CACNA1E: variants seen among roughly 807,000 people sequenced by gnomAD.
CACNA1E encodes the protein calcium voltage-gated channel subunit alpha1 E.
A neutral mutation model predicts 259.2 loss-of-function variants in CACNA1E; 40 were observed. That is an observed-to-expected ratio of 0.15 (90% CI 0.12 to 0.20). The LOEUF is 0.20. CACNA1E is among the 10% of genes least tolerant of loss of function. The probability of loss-of-function intolerance (pLI) is 1.00; values close to 1 mark genes in which losing one functional copy is unlikely to be tolerated. For synonymous variants in CACNA1E, 1,104 were observed against 1,138.5 expected (o/e 0.97, Z 0.61); for missense variants, 1,874 against 3,040.1 (o/e 0.62, Z 9.02).
chr1:181,318,666 G>T (rs796560799), intron 1 of CACNA1E, among the ~76,000 whole-genome samples: 2 of 152,214 alleles, frequency 1.3e-5, no homozygotes. Context: ...TGGGGAGGGC[G>T]CGCGGGCCAG....
At chr1:181,418,112 A>G (rs1180191885) in intron 2 of CACNA1E, among the ~76,000 whole-genome samples, 1 of 152,164 alleles carries the variant, frequency 6.6e-6, no homozygotes, top group Non-Finnish European at 1.5e-5. Context: ...TTGACCTAGC[A>G]GCAACATTTG....
intron 3 of CACNA1E, among the ~76,000 whole-genome samples, chr1:181,543,456 A>C (rs1205793967): frequency 4.6e-5 from 7 of 152,150 alleles, no homozygotes; most frequent in Non-Finnish European, 7.4e-5. Flanking sequence ...TGATATTTGG[A>C]GGTAGGGTTT....
At chr1:181,748,215 C>G (rs899976721) in intron 25 of CACNA1E, among the ~76,000 whole-genome samples, 2 of 152,106 alleles carry the variant, frequency 1.3e-5, no homozygotes, top group Non-Finnish European at 2.9e-5. Context: ...AATAGCCCCC[C>G]CAGTGGTTTG....
At chr1:181,358,098 T>G (rs979069532) in intron 1 of CACNA1E, among the ~76,000 whole-genome samples, 1 of 152,122 alleles carries the variant, frequency 6.6e-6, no homozygotes, top group Admixed American at 6.5e-5. Flanking sequence ...TGACAACTCC[T>G]GCAGGAGAAT....
Position 181,715,176 on chromosome 1 carries a change from C to T in CACNA1E, c.1172-162C>T, listed in dbSNP as rs747037611. Reference sequence around the variant, plus strand: ...TGTTCTCAGGAGCTCTCTGTGCACCCTCTGTGACACTTGCTTTCTTTCTGA... The same window carrying T: ...TGTTCTCAGGAGCTCTCTGTGCACCTTCTGTGACACTTGCTTTCTTTCTGA... On this transcript the variant is annotated intron_variant, in intron 8 of 47. Coordinates refer to ENST00000367573, the MANE Select transcript of CACNA1E (RefSeq NM_001205293.3). Among the ~76,000 whole-genome samples the T allele has an allele frequency of 6.6e-5, 10 of 152,320 alleles. No individual in the cohort carries two copies. In the East Asian group the frequency reaches 1.9e-3, roughly 29 times the overall value.
intron 6 of CACNA1E, among the ~76,000 whole-genome samples, chr1:181,625,322 T>C (rs1191243114): frequency 6.6e-6 from 1 of 152,186 alleles, no homozygotes; most frequent in African/African-American, 2.4e-5. Context: ...TCGTCTTCTC[T>C]ACTTACGATT....
chr1:181,723,676 G>A (rs1654620085), intron 16 of CACNA1E, among the ~76,000 whole-genome samples: 2 of 152,112 alleles, frequency 1.3e-5, no homozygotes, highest in African/African-American at 2.4e-5. Flanking sequence ...GCTATAATTC[G>A]GGGTTCCCAC....
chr1:181,674,174 T>G lies in CACNA1E; in HGVS notation c.1055+22733T>G, dbSNP rs1339590534. On this transcript the variant is annotated intron_variant, in intron 7 of 47. Transcript: ENST00000367573. ...GCGGGCGGATCACGAGGTCAGGAGA[T>G]CGAGACCATCCTGGCTAACACGGTA... Among the ~76,000 whole-genome samples the G allele has an allele frequency of 2.1e-5, 3 of 145,350 alleles. No homozygotes were observed. The East Asian group carries it at 6.1e-4, about 30-fold the overall frequency.
intron 2 of CACNA1E, among the ~76,000 whole-genome samples, chr1:181,436,613 T>C (rs1660103540): frequency 6.6e-6 from 1 of 152,166 alleles, no homozygotes; most frequent in South Asian, 2.1e-4. Context: ...GGCACCGAAA[T>C]GCCAATATCA....
rs184183077 is a variant in CACNA1E, at chr1:181,377,106, A to T, written c.-14-36027A>T. Among the ~76,000 whole-genome samples, 5 of 152,364 alleles carry T rather than the reference A, an allele frequency of 3.3e-5. No individual in the cohort carries two copies. The East Asian group carries it at 7.7e-4, about 24-fold the overall frequency. Reference sequence around the variant, plus strand: ...TCTAGGTGCCTAGGTCTATGACAACAAGCACTTATAAAGAACGTAAAAAGG... The same window carrying T: ...TCTAGGTGCCTAGGTCTATGACAACTAGCACTTATAAAGAACGTAAAAAGG... On this transcript the variant is annotated intron_variant, in intron 1 of 11. Transcript: ENST00000524607.
In CACNA1E at chr1:181,348,449, G is replaced by T. The variant is rs538945035; in HGVS notation, c.-15+30326G>T. Among the ~76,000 whole-genome samples the T allele has an allele frequency of 2.6e-5, 4 of 152,212 alleles. No homozygotes were observed. In the East Asian group the frequency reaches 7.7e-4, roughly 29 times the overall value. ...GAAAGCGTGAGTGATCTGAGGAGCT[G>T]ACTTAGAGGGTCAGTATGGTTTGCT... On this transcript the variant is annotated intron_variant, in intron 1 of 11. Coordinates refer to the CACNA1E transcript ENST00000524607.
chr1:181,360,906 T>C (rs1423718417), intron 1 of CACNA1E, among the ~76,000 whole-genome samples: 1 of 152,134 alleles, frequency 6.6e-6, no homozygotes, highest in Non-Finnish European at 1.5e-5. Context: ...CCTAGGGTTC[T>C]ACCTGGGAAA....
intron 6 of CACNA1E, among the ~76,000 whole-genome samples, chr1:181,648,154 T>C (rs1658452864): frequency 1.3e-5 from 2 of 152,214 alleles, no homozygotes; most frequent in South Asian, 2.1e-4. Flanking sequence ...GAGGGGGCTA[T>C]GAGAATGAAT....
chr1:181,545,257 A>G (rs1422065235), intron 3 of CACNA1E, among the ~76,000 whole-genome samples: 2 of 152,256 alleles, frequency 1.3e-5, no homozygotes, highest in South Asian at 2.1e-4. Context: ...TTAAAACATG[A>G]TTTGAAAGAA....
In CACNA1E at chr1:181,714,734, T is replaced by A. The variant is rs942234174; in HGVS notation, c.1172-604T>A. 4.0e-4 allele frequency among the ~76,000 whole-genome samples: 61 copies of A among 152,222 alleles called. 3 individuals are homozygous for A. The highest frequency in any genetic ancestry group is 1.5e-5 in the Non-Finnish European group (1 of 68,036). On this transcript the variant is annotated intron_variant, in intron 8 of 47. Transcript: ENST00000367573. ...TTTATCTTAGGGACAAATTCATGAT[T>A]GGCCCAAGCCTCTTTGGCTCAGGCT...
intron 2 of CACNA1E, among the ~76,000 whole-genome samples, chr1:181,476,225 A>G (rs1219543534): frequency 6.6e-6 from 1 of 152,184 alleles, no homozygotes; most frequent in Non-Finnish European, 1.5e-5. Flanking sequence ...TGGCCTGCCC[A>G]GGTATATATT....
chr1:181,458,428 A>C (rs1444135062), intron 2 of CACNA1E, among the ~76,000 whole-genome samples: 1 of 152,238 alleles, frequency 6.6e-6, no homozygotes, highest in Non-Finnish European at 1.5e-5. Flanking sequence ...AAAGCCTGGC[A>C]AGGCATAGAC....
At chr1:181,673,130 T>C (rs903441116) in intron 7 of CACNA1E, among the ~76,000 whole-genome samples, 2 of 152,210 alleles carry the variant, frequency 1.3e-5, no homozygotes, top group Non-Finnish European at 2.9e-5. Flanking sequence ...AGGAACCATG[T>C]AGAACGTACC....
intron 6 of CACNA1E, among the ~76,000 whole-genome samples, chr1:181,602,850 G>A (rs1445109111): frequency 1.3e-5 from 2 of 152,136 alleles, no homozygotes; most frequent in African/African-American, 4.8e-5. Flanking sequence ...AGAGCTCATT[G>A]AGGTTGTATT....
Sources: gnomAD v4.1 joint callset for allele counts (sites outside exome capture counted in the v4.1 genomes callset) on GRCh38, gnomAD v4.1.1 for gene constraint, MANE v1.5 for transcripts, NCBI Gene and HGNC (gene_info 2026-07-23, HGNC 2026-07-21) for gene names.